SAMD12: variants seen among roughly 807,000 people sequenced by gnomAD.
SAMD12 encodes the protein sterile alpha motif domain-containing protein 12.
In SAMD12, 9 loss-of-function variants were observed where a neutral mutation model predicts 15.0. That is an observed-to-expected ratio of 0.60 (90% CI 0.36 to 1.05). The LOEUF (loss-of-function observed/expected upper bound fraction) is 1.05, where lower values mean the gene tolerates loss of function less well. Among genes scored for constraint, SAMD12 ranks in the 50% least tolerant of loss-of-function variants. The pLI, the probability that SAMD12 is intolerant of heterozygous loss-of-function variation, is 0.01. For synonymous variants in SAMD12, 86 were observed against 90.1 expected (o/e 0.96, Z 0.25); for missense variants, 230 against 234.2 (o/e 0.98, Z 0.12).
At chr8:118,380,650 C>A (rs189880234) in intron 3 of SAMD12, among the ~76,000 whole-genome samples, 12 of 152,310 alleles carry the variant, frequency 7.9e-5, no homozygotes, top group Admixed American at 6.5e-4. Context: ...CTACTCATCA[C>A]ATCTGCAGAT....
chr8:118,145,395 A>G, the SAMD12 span, among the ~76,000 whole-genome samples: 4 of 152,350 alleles, frequency 2.6e-5, no homozygotes, highest in South Asian at 8.3e-4. Context: ...TGTGAATTAT[A>G]TAAGATCAAA....
chr8:118,321,862 A>T (rs1586522552), intron 4 of SAMD12, among the ~76,000 whole-genome samples: 1 of 152,152 alleles, frequency 6.6e-6, no homozygotes, highest in East Asian at 1.9e-4. Flanking sequence ...TCTCACAGGT[A>T]ATTGTAAGGT....
chr8:118,481,944 C>G (rs1356545658), intron 2 of SAMD12, among the ~76,000 whole-genome samples: 2 of 152,146 alleles, frequency 1.3e-5, no homozygotes, highest in Non-Finnish European at 2.9e-5. Context: ...TATATTAACT[C>G]GTTTAATTTC....
intron 4 of SAMD12, among the ~76,000 whole-genome samples, chr8:118,300,427 T>C (rs1291641761): frequency 6.6e-6 from 1 of 152,198 alleles, no homozygotes; most frequent in Non-Finnish European, 1.5e-5. Context: ...CTTCAATACA[T>C]GGCCTTCAGA....
At chr8:118,450,074 T>TC (rs1823033919) in intron 2 of SAMD12, among the ~76,000 whole-genome samples, 3 of 152,068 alleles carry the variant, frequency 2.0e-5, no homozygotes, top group African/African-American at 7.2e-5. Flanking sequence ...CAGTGCAGCT[T>TC]CCCCAGGCAC....
intron 1 of SAMD12, among the ~76,000 whole-genome samples, chr8:118,583,957 T>C (rs1426127280): frequency 6.6e-6 from 1 of 152,196 alleles, no homozygotes; most frequent in African/African-American, 2.4e-5. Flanking sequence ...ACCTGGCACA[T>C]AAGAGACATT....
intron 4 of SAMD12, among the ~76,000 whole-genome samples, chr8:118,262,937 T>A (rs1386009120): frequency 6.6e-6 from 1 of 152,150 alleles, no homozygotes; most frequent in East Asian, 1.9e-4. Context: ...TTACTTCTTC[T>A]GAAAAGTTTT....
the SAMD12 span, among the ~76,000 whole-genome samples, chr8:118,169,234 A>G: frequency 6.6e-6 from 1 of 152,208 alleles, no homozygotes. Context: ...AAAATAAAAC[A>G]AAACTAACCA....
intron 4 of SAMD12, among the ~76,000 whole-genome samples, chr8:118,321,474 C>T (rs6980537): frequency 0.35 from 52,628 of 151,120 alleles, 10,712 homozygotes; most frequent in African/African-American, 0.58. Context: ...ATTAGCGGGA[C>T]GTGGTGGCAC....
chr8:118,499,455 T>C (rs1254852074), intron 2 of SAMD12, among the ~76,000 whole-genome samples: 4 of 152,244 alleles, frequency 2.6e-5, no homozygotes, highest in African/African-American at 4.8e-5. Flanking sequence ...CCAAGACTTA[T>C]TAGCCACATG....
At chr8:118,324,100 T>C (rs1816447699) in intron 4 of SAMD12, among the ~76,000 whole-genome samples, 1 of 152,226 alleles carries the variant, frequency 6.6e-6, no homozygotes, top group African/African-American at 2.4e-5. Flanking sequence ...TCTATGTGCA[T>C]GTCTATTTTT....
At chr8:118,140,074 C>G in the SAMD12 span, among the ~76,000 whole-genome samples, 1 of 152,178 alleles carries the variant, frequency 6.6e-6, no homozygotes, top group Non-Finnish European at 1.5e-5. Flanking sequence ...TAGGGTGAAG[C>G]ACAGAGCTGT....
At chr8:118,564,164 T>C (rs557113750) in intron 2 of SAMD12, among the ~76,000 whole-genome samples, 14 of 152,014 alleles carry the variant, frequency 9.2e-5, no homozygotes, top group Non-Finnish European at 1.8e-4. Context: ...ACAAAATAAT[T>C]GCTTAAGCAG....
chr8:118,611,313 G>GA (rs1200916221), intron 1 of SAMD12, among the ~76,000 whole-genome samples: 6 of 151,650 alleles, frequency 4.0e-5, no homozygotes, highest in African/African-American at 1.2e-4. Flanking sequence ...TTAGAAAGCA[G>GA]AAAAAAAATG....
intron 1 of SAMD12, among the ~76,000 whole-genome samples, chr8:118,592,301 G>GA (rs936255079): frequency 1.3e-4 from 20 of 151,500 alleles, no homozygotes; most frequent in South Asian, 2.1e-4. Context: ...GCAAATAGAG[G>GA]AAAAAAAATG....
chr8:118,381,115 A>G (rs1364346246), intron 3 of SAMD12, among the ~76,000 whole-genome samples: 1 of 152,226 alleles, frequency 6.6e-6, no homozygotes, highest in Non-Finnish European at 1.5e-5. Context: ...TGTCCTCCCA[A>G]CATGTGCCCA....
At chr8:118,481,088 G>A (rs1215700060) in intron 2 of SAMD12, among the ~76,000 whole-genome samples, 1 of 152,066 alleles carries the variant, frequency 6.6e-6, no homozygotes, top group Admixed American at 6.6e-5. Flanking sequence ...GATTACAGGT[G>A]TGTGCCACCA....
At chr8:118,324,095 G>A (rs781325975) in intron 4 of SAMD12, among the ~76,000 whole-genome samples, 1 of 151,976 alleles carries the variant, frequency 6.6e-6, no homozygotes, top group Non-Finnish European at 1.5e-5. Context: ...TTTTATCTAT[G>A]TGCATGTCTA....
chr8:118,546,903 C>A lies in SAMD12; in HGVS notation c.192+33812G>T, dbSNP rs568246226. Among the ~76,000 whole-genome samples, 7 of 152,228 alleles carry A rather than the reference C, an allele frequency of 4.6e-5. No homozygotes were observed. In the South Asian group the frequency reaches 1.2e-3, roughly 27 times the overall value. On this transcript the variant is annotated intron_variant, in intron 2 of 3. Transcript: ENST00000314727. Reference sequence around the variant, plus strand: ...AGTAGGCTCCTAGCAAACACAAAACCAAATTCAGGCATTTAATTAAGGATA... The same window carrying A: ...AGTAGGCTCCTAGCAAACACAAAACAAAATTCAGGCATTTAATTAAGGATA...
Sources: gnomAD v4.1 joint callset for allele counts (sites outside exome capture counted in the v4.1 genomes callset) on GRCh38, gnomAD v4.1.1 for gene constraint, MANE v1.5 for transcripts, NCBI Gene and HGNC (gene_info 2026-07-23, HGNC 2026-07-21) for gene names.